The following CMIP variants were observed in gnomAD, a reference collection of about 807,000 sequenced individuals.
The protein encoded by CMIP is C-Maf-inducing protein.
In CMIP, 13 loss-of-function variants were observed where a neutral mutation model predicts 97.3. The ratio of observed to expected loss-of-function variants is 0.13; its 90% CI spans 0.09 to 0.21. The LOEUF is 0.21. Among genes scored for constraint, CMIP ranks in the 10% least tolerant of loss-of-function variants. The pLI, the probability that CMIP is intolerant of heterozygous loss-of-function variation, is 1.00. For missense variants in CMIP, 847 were observed against 1,024.9 expected (o/e 0.83, Z 2.37); for synonymous variants, 538 against 436.3 (o/e 1.23, Z -2.91).
chr16:81,594,861 A>T (rs185897476), intron 1 of CMIP, among the ~76,000 whole-genome samples: 3,534 of 141,608 alleles, frequency 0.025, 70 homozygotes, highest in Non-Finnish European at 0.035. Flanking sequence ...CAATCTCCTG[A>T]CCTCATGATC....
At chr16:81,647,759 A>G (rs1393157806) in intron 3 of CMIP, among the ~76,000 whole-genome samples, 4 of 152,076 alleles carry the variant, frequency 2.6e-5, no homozygotes, top group African/African-American at 9.7e-5. Flanking sequence ...GGGATGAGGC[A>G]TGCTAATTTG....
Position 81,556,088 on chromosome 16 carries a change from G to C in CMIP, c.301-51479G>C, listed in dbSNP as rs79580404. Among the ~76,000 whole-genome samples, 1,090 of 152,294 alleles carry C rather than the reference G, an allele frequency of 7.2e-3. 21 individuals are homozygous for C. The highest frequency in any genetic ancestry group is 0.025 in the African/African-American group (1,033 of 41,564). On this transcript the variant is annotated intron_variant, in intron 1 of 20. Coordinates refer to ENST00000537098, the MANE Select transcript of CMIP (RefSeq NM_198390.3). The stretch of plus-strand genomic sequence containing the variant: ...CCCTGGAAAATGCAGACCCAGCGGT[G>C]AGCTATTTGTTCTCTCAGAGTTTCT...
chr16:81,635,795 G>A (rs1230785679), intron 3 of CMIP, among the ~76,000 whole-genome samples: 1 of 152,072 alleles, frequency 6.6e-6, no homozygotes, highest in Non-Finnish European at 1.5e-5. Flanking sequence ...GGGAGGGGGG[G>A]ACAGCTCTGC....
At chr16:81,483,555 C>T (rs892304900) in intron 1 of CMIP, among the ~76,000 whole-genome samples, 1 of 151,864 alleles carries the variant, frequency 6.6e-6, no homozygotes, top group Admixed American at 6.6e-5. Flanking sequence ...GCCTCTCTCC[C>T]TCCCGCAGCC....
At chr16:81,577,956 C>T (rs946792836) in intron 1 of CMIP, among the ~76,000 whole-genome samples, 3 of 150,444 alleles carry the variant, frequency 2.0e-5, no homozygotes, top group Non-Finnish European at 4.4e-5. Context: ...CCATCATCCC[C>T]ATTACCACTA....
At chr16:81,683,460 G>A (rs1024390030) in intron 10 of CMIP, among the ~76,000 whole-genome samples, 9 of 152,148 alleles carry the variant, frequency 5.9e-5, no homozygotes, top group Admixed American at 1.3e-4. Context: ...CAGTAGTTCC[G>A]CTCACTGCAA....
intron 1 of CMIP, among the ~76,000 whole-genome samples, chr16:81,478,667 C>T (rs1268594564): frequency 1.3e-5 from 2 of 152,188 alleles, no homozygotes; most frequent in Admixed American, 6.5e-5. Flanking sequence ...CCCAGAGCCT[C>T]CCGGTGGGAA....
intron 1 of CMIP, among the ~76,000 whole-genome samples, chr16:81,574,471 C>T (rs2091154407): frequency 6.6e-6 from 1 of 152,232 alleles, no homozygotes. Context: ...ACAGCCGTGC[C>T]CCAGGTTCAG....
At chr16:81,659,639 C>A (rs1298644888) in intron 5 of CMIP, among the ~76,000 whole-genome samples, 1 of 152,176 alleles carries the variant, frequency 6.6e-6, no homozygotes, top group Non-Finnish European at 1.5e-5. Context: ...ACCTGTGGGT[C>A]CCACTGAGTG....
At position 81,478,301 on chromosome 16, in the gene CMIP, G is replaced by A. The variant is rs368835807; in HGVS notation, c.300+32760G>A. Among the ~76,000 whole-genome samples, 6 of 152,360 alleles carry A rather than the reference G, an allele frequency of 3.9e-5. No individual in the cohort carries two copies. The East Asian group carries it at 9.6e-4, about 24-fold the overall frequency. On this transcript the variant is annotated intron_variant, in intron 1 of 20. Coordinates refer to ENST00000537098, the MANE Select transcript of CMIP (RefSeq NM_198390.3). ...TTTACAGGGGCAGAGGGAGTGGTAA[G>A]GTATCAGCAAGCCGTAGAGTAGAAC... is the stretch of plus-strand genomic sequence containing the variant.
At chr16:81,548,353 C>G (rs1443445550) in intron 1 of CMIP, among the ~76,000 whole-genome samples, 2 of 152,084 alleles carry the variant, frequency 1.3e-5, no homozygotes, top group Non-Finnish European at 2.9e-5. Context: ...AGGCTGTTCT[C>G]GAACTCCTGA....
At chr16:81,536,182 C>G (rs997644327) in intron 1 of CMIP, among the ~76,000 whole-genome samples, 2 of 152,196 alleles carry the variant, frequency 1.3e-5, no homozygotes, top group Non-Finnish European at 2.9e-5. Context: ...ATTAAAATTT[C>G]ACGAGGAGAG....
chr16:81,455,967 CTGCAGTGGGGGAAG>C (rs1366885805), intron 1 of CMIP, among the ~76,000 whole-genome samples: 1 of 152,228 alleles, frequency 6.6e-6, no homozygotes, highest in East Asian at 1.9e-4. Context: ...TGCCTCTTGT[CTGCAGTGGGGGAAG>C]TGCAGTGGGG....
chr16:81,665,038 C>CG (rs2092588651), intron 7 of CMIP: 1 of 152,274 alleles, frequency 6.6e-6, no homozygotes, highest in South Asian at 2.1e-4. Context: ...GAGGAGTCTA[C>CG]GGGGGCGTAA....
chr16:81,675,182 A>G (rs1904288789), intron 9 of CMIP, among the ~76,000 whole-genome samples: 1 of 152,084 alleles, frequency 6.6e-6, no homozygotes, highest in Admixed American at 6.6e-5. Context: ...TGAAGGTGCC[A>G]TTCGTCACAG....
rs1905735582 is a variant in CMIP, at chr16:81,445,002, C to T, written c.-240C>T. Among the ~76,000 whole-genome samples, 1 of 144,554 alleles carries T rather than the reference C, an allele frequency of 6.9e-6. No individual in the cohort carries two copies. The highest frequency in any genetic ancestry group is 6.8e-5 in the Admixed American group (1 of 14,684). 94.8% of individuals were successfully genotyped at this position (144,554 alleles called of 152,430 possible). ...AGCCCGGTCAGCCGCCGCGAGCATG[C>T]ACCCGACGAGCTAGGAGGAAGCCCG... On this transcript the variant is annotated 5_prime_UTR_variant, in exon 1 of 21. Coordinates refer to ENST00000537098, the MANE Select transcript of CMIP (RefSeq NM_198390.3).
chr16:81,446,121 C>G (rs1905825931), intron 1 of CMIP, among the ~76,000 whole-genome samples: 1 of 151,886 alleles, frequency 6.6e-6, no homozygotes, highest in Non-Finnish European at 1.5e-5. Context: ...AAATCTCATT[C>G]GCACATTGAG....
chr16:81,480,961 C>T (rs1301799483), intron 1 of CMIP, among the ~76,000 whole-genome samples: 1 of 152,146 alleles, frequency 6.6e-6, no homozygotes, highest in Non-Finnish European at 1.5e-5. Context: ...AGTGTTTTCA[C>T]GGGATGGCTT....
At chr16:81,581,900 C>T (rs1185198359) in intron 1 of CMIP, among the ~76,000 whole-genome samples, 1 of 152,106 alleles carries the variant, frequency 6.6e-6, no homozygotes, top group Non-Finnish European at 1.5e-5. Flanking sequence ...TAAAGAAATA[C>T]CTGAGACTGG....
Sources: allele counts gnomAD v4.1 joint callset (sites outside exome capture counted in the v4.1 genomes callset), GRCh38; gene constraint gnomAD v4.1.1; transcripts MANE v1.5; gene names NCBI Gene and HGNC (gene_info 2026-07-23, HGNC 2026-07-21).